Variants in PTPN6 observed in about 807,000 individuals in gnomAD.
PTPN6 encodes tyrosine-protein phosphatase non-receptor type 6.
A neutral mutation model predicts 81.5 loss-of-function variants in PTPN6; 18 were observed. The observed-to-expected ratio is 0.22, with a 90% CI of 0.15 to 0.33. The LOEUF is 0.33. PTPN6 is among the 10% of genes least tolerant of loss of function. The probability of loss-of-function intolerance (pLI) is 1.00; values close to 1 mark genes in which losing one functional copy is unlikely to be tolerated. For missense variants in PTPN6, 500 were observed against 794.2 expected (o/e 0.63, Z 4.45); for synonymous variants, 301 against 310.9 (o/e 0.97, Z 0.33).
chr12:6,955,107 G>A lies in PTPN6; in HGVS notation c.517-44G>A, dbSNP rs376544821. 1,309 of 1,610,148 alleles carry A rather than the reference G, an allele frequency of 8.1e-4. No homozygotes were observed. Among genetic ancestry groups the A allele is most frequent in the Non-Finnish European group, 9.5e-4 (1,121 of 1,176,550 alleles). Reference sequence around the variant, plus strand: ...GAATTCAAGGCTGGGGACCCAGGGAGGGAGACTCAAGTCCTGTGAATGGCC... The same window carrying A: ...GAATTCAAGGCTGGGGACCCAGGGAAGGAGACTCAAGTCCTGTGAATGGCC... On this transcript the variant is annotated intron_variant, in intron 4 of 15. Transcript: ENST00000318974. The surrounding 1 kb of genome is among the most constrained non-coding windows in gnomAD (Gnocchi z 7.2).
Position 6,960,474 on chromosome 12 carries a change from T to A in PTPN6, c.1673+39T>A, listed in dbSNP as rs1457281640. 3.1e-6 allele frequency: 5 copies of A among 1,590,176 alleles called. No homozygotes were observed. The highest frequency in any genetic ancestry group is 4.3e-6 in the Non-Finnish European group (5 of 1,160,284). On this transcript the variant is annotated intron_variant, in intron 14 of 15. Coordinates refer to ENST00000318974, the MANE Select transcript of PTPN6 (RefSeq NM_002831.6). The surrounding 1 kb of genome is among the most constrained non-coding windows in gnomAD (Gnocchi z 6.1). ...ACTGCCACTGCCCGGCATCCACCCC[T>A]TTGTCCTGCCCAGCCCGATCCTCAC... is the stretch of plus-strand genomic sequence containing the variant.
At position 6,955,322 on chromosome 12, in the gene PTPN6, G is replaced by A; in HGVS notation, c.634-50G>A. Reference sequence around the variant, plus strand: ...TTCCCCTGAGCTGTCCCCCAGATGTGAGCTTCTGGGATCTCTGAGTTGCTG... The same window carrying A: ...TTCCCCTGAGCTGTCCCCCAGATGTAAGCTTCTGGGATCTCTGAGTTGCTG... On this transcript the variant is annotated intron_variant, in intron 5 of 15. Transcript: ENST00000318974. The surrounding 1 kb of genome is among the most constrained non-coding windows in gnomAD (Gnocchi z 7.2). 2 of 1,607,356 alleles carry A rather than the reference G, an allele frequency of 1.2e-6. No homozygotes were observed. Among genetic ancestry groups the A allele is most frequent in the South Asian group, 2.2e-5 (2 of 90,900 alleles).
At position 6,957,753 on chromosome 12, in the gene PTPN6, C is replaced by G. The variant is rs782405424; in HGVS notation, c.1174C>G (p.Leu392Val). ...CGEHDTTEYK[L>V]RTLQVSPLDN... The stretch of plus-strand genomic sequence containing the variant: ...GGAGCATGACACAACCGAATACAAA[C>G]TCCGTACCTTACAGGTCTCCCCGCT... Residue 392 changes from leucine to valine, a missense_variant, in exon 10 of 16, where the codon CTC becomes GTC. Leu to Val is a conservative substitution (Grantham distance 32). Around this residue, in one of 6 missense-constraint regions of PTPN6, gnomAD observed 226 missense variants for 364.4 expected, o/e 0.62. Coordinates refer to ENST00000318974, the MANE Select transcript of PTPN6 (RefSeq NM_002831.6). The surrounding 1 kb of genome is among the most constrained non-coding windows in gnomAD (Gnocchi z 6.5). The G allele has an allele frequency of 2.4e-5, 38 of 1,612,818 alleles. No individual in the cohort carries two copies. In the Admixed American group the frequency reaches 6.3e-4, roughly 27 times the overall value.
upstream of PTPN6, among the ~76,000 whole-genome samples, chr12:6,950,023 G>T (rs1321054896): frequency 1.6e-5 from 1 of 62,586 alleles, no homozygotes; most frequent in African/African-American, 6.7e-5. Context: ...CTCGTGATCC[G>T]CCAGCCTTGG....
At chr12:6,949,763 T>G (rs1945893023), upstream of PTPN6, among the ~76,000 whole-genome samples, 1 of 151,734 alleles carries the variant, frequency 6.6e-6, no homozygotes, top group African/African-American at 2.4e-5. Context: ...TTGTTTGCGC[T>G]TCCAGACTGC....
rs375220948 is a variant in PTPN6 at position 6,954,961 on chromosome 12, G to C, written c.483G>C (p.Pro161=). ...AGCCCAAGGCTGGCCCAGGCTCCCC[G>C]CTCAGGGTCACCCACATCAAGGTCA... ...SDQPKAGPGS[P]LRVTHIKVMC... is the part of the protein sequence containing the mutation. The change falls in exon 4 of 16, where the codon CCG becomes CCC. Residue 161 remains proline (P), a synonymous_variant. Transcript: ENST00000318974. The surrounding 1 kb of genome is among the most constrained non-coding windows in gnomAD (Gnocchi z 5.4). 1.4e-5 allele frequency: 23 copies of C among 1,613,966 alleles called. No individual in the cohort carries two copies. The highest frequency in any genetic ancestry group is 1.9e-5 in the Non-Finnish European group (23 of 1,180,020).
At chr12:6,947,122 T>A (rs1945836657), upstream of PTPN6, among the ~76,000 whole-genome samples, 1 of 152,160 alleles carries the variant, frequency 6.6e-6, no homozygotes, top group African/African-American at 2.4e-5. Context: ...TCTCCGCACT[T>A]CCCAACATCA....
Position 6,959,541 on chromosome 12 carries a change from G to T in PTPN6, c.1362-386G>T. The T allele has an allele frequency of 2.6e-6, 1 of 390,022 alleles. No individual in the cohort carries two copies. The highest frequency in any genetic ancestry group is 4.8e-6 in the Non-Finnish European group (1 of 209,488). 24.2% of individuals were successfully genotyped at this position (390,022 alleles called of 1,614,324 possible). A position where few individuals can be genotyped will look rare whatever the true frequency, so the allele number is the denominator to read the frequency against. ...GGGAAGTGAAGCCATGCTGAGAGAC[G>T]CTCCATAACTCCTTCAGGGAGAGGC... On this transcript the variant is annotated intron_variant, in intron 11 of 15. Coordinates refer to ENST00000318974, the MANE Select transcript of PTPN6 (RefSeq NM_002831.6). This position sits in a 1 kb window ranked among gnomAD's most constrained non-coding sequence, Gnocchi z 6.6.
In PTPN6 at chr12:6,959,180, C is replaced by T. The variant is rs763580012; in HGVS notation, c.1362-747C>T. The T allele has an allele frequency of 1.8e-3, 278 of 153,802 alleles. 2 individuals carry two copies. The highest frequency in any genetic ancestry group is 3.4e-3 in the Non-Finnish European group (234 of 69,054). 9.5% of individuals were successfully genotyped at this position (153,802 alleles called of 1,614,324 possible). On this transcript the variant is annotated intron_variant, in intron 11 of 15. Coordinates refer to ENST00000318974, the MANE Select transcript of PTPN6 (RefSeq NM_002831.6). The surrounding 1 kb of genome is among the most constrained non-coding windows in gnomAD (Gnocchi z 6.6). Reference sequence around the variant, plus strand: ...TCCTGTGCTCTCTCAGGGACAGGCCCATCCCCGAGAGCTACCCTCCTGCTC... The same window carrying T: ...TCCTGTGCTCTCTCAGGGACAGGCCTATCCCCGAGAGCTACCCTCCTGCTC...
chr12:6,946,934 T>A (rs1323116953), upstream of PTPN6, among the ~76,000 whole-genome samples: 1 of 152,106 alleles, frequency 6.6e-6, no homozygotes, highest in Non-Finnish European at 1.5e-5. Flanking sequence ...CTCTGCCCCC[T>A]CTTTAACATT....
At position 6,954,458 on chromosome 12, in the gene PTPN6, G is replaced by A. The variant is rs1355372576; in HGVS notation, c.327-347G>A. Among the ~76,000 whole-genome samples the A allele has an allele frequency of 2.0e-5, 3 of 152,192 alleles. No individual in the cohort carries two copies. The highest frequency in any genetic ancestry group is 2.0e-4 in the Admixed American group (3 of 15,284). On this transcript the variant is annotated intron_variant, in intron 3 of 15. Transcript: ENST00000318974. This position sits in a 1 kb window ranked among gnomAD's most constrained non-coding sequence, Gnocchi z 5.4. The stretch of plus-strand genomic sequence containing the variant: ...GCCCGGTTAGAACTCTGGAGGCTAG[G>A]ATGGCTTGAACCTGGGAGGTCGAGG...
At position 6,954,391 on chromosome 12, in the gene PTPN6, T is replaced by C. The variant is rs1431925567; in HGVS notation, c.327-414T>C. Among the ~76,000 whole-genome samples the C allele has an allele frequency of 6.6e-6, 1 of 152,238 alleles. No individual in the cohort carries two copies. The highest frequency in any genetic ancestry group is 1.5e-5 in the Non-Finnish European group (1 of 68,044). ...TCTCTCCTCCAAATATTTTGAATAT[T>C]GCCAGCCTTTCTGCCTTTCAGAGGT... On this transcript the variant is annotated intron_variant, in intron 3 of 15. Transcript: ENST00000318974. The surrounding 1 kb of genome is among the most constrained non-coding windows in gnomAD (Gnocchi z 5.4).
rs782432099 is a variant in PTPN6 at position 6,957,272 on chromosome 12, C to T, written c.1075-382C>T. 1.9e-3 allele frequency among the ~76,000 whole-genome samples: 293 copies of T among 152,334 alleles called. 1 individual carries two copies. Among genetic ancestry groups the T allele is most frequent in the African/African-American group, 6.3e-3 (260 of 41,572 alleles). Reference sequence around the variant, plus strand: ...CCTCCAGGACCTAGAGGGAGAATTACGTCTTTCCCAGCCACGCTCCTCAGC... The same window carrying T: ...CCTCCAGGACCTAGAGGGAGAATTATGTCTTTCCCAGCCACGCTCCTCAGC... On this transcript the variant is annotated intron_variant, in intron 9 of 15. Coordinates refer to ENST00000318974, the MANE Select transcript of PTPN6 (RefSeq NM_002831.6). This position sits in a 1 kb window ranked among gnomAD's most constrained non-coding sequence, Gnocchi z 6.5.
chr12:6,948,485 G>A (rs1591680777), upstream of PTPN6, among the ~76,000 whole-genome samples: 2 of 119,446 alleles, frequency 1.7e-5, no homozygotes, highest in Non-Finnish European at 1.8e-5. Context: ...AAGGAAGAAA[G>A]AAAAAGAGAA....
rs1555149614 is a variant in PTPN6, at chr12:6,960,369, A to G, written c.1607A>G (p.Tyr536Cys). 6.2e-7 allele frequency: 1 copy of G among 1,613,568 alleles called. No homozygotes were observed. Among genetic ancestry groups the G allele is most frequent in the South Asian group, 1.1e-5 (1 of 91,042 alleles). Residue 536 changes from tyrosine to cysteine, a missense_variant, in exon 14 of 16, where the codon TAC becomes TGC. Physicochemically the swap from Tyr to Cys is radical, Grantham distance 194. Around this residue, in one of 6 missense-constraint regions of PTPN6, gnomAD observed 226 missense variants for 364.4 expected, o/e 0.62. Transcript: ENST00000318974. This position sits in a 1 kb window ranked among gnomAD's most constrained non-coding sequence, Gnocchi z 6.1. ...LQSQKGQESE[Y>C]GNITYPPAMK... is the part of the protein sequence containing the mutation. Reference sequence around the variant, plus strand: ...TCGCAGAAGGGCCAGGAGTCGGAGTACGGGAACATCACCTATCCCCCAGCC... The same window carrying G: ...TCGCAGAAGGGCCAGGAGTCGGAGTGCGGGAACATCACCTATCCCCCAGCC...
In PTPN6 at chr12:6,952,128, A is replaced by G. The variant is rs1342222997; in HGVS notation, c.277A>G (p.Ile93Val). The change falls in exon 3 of 16, where the codon ATC becomes GTC. Residue 93 changes from isoleucine to valine, a missense_variant. Physicochemically the swap from Ile to Val is conservative, Grantham distance 29 (BLOSUM62 3). This residue lies in a region of PTPN6 where 98 missense variants were observed against 199.2 expected (regional missense o/e 0.49). Coordinates refer to ENST00000318974, the MANE Select transcript of PTPN6 (RefSeq NM_002831.6). The surrounding 1 kb of genome is among the most constrained non-coding windows in gnomAD (Gnocchi z 8.1). ...QGVLQDRDGT[I>V]IHLKYPLNCS... ...TGTCCTGCAGGACCGCGACGGCACC[A>G]TCATCCACCTCAAGTACCCGCTGAA... The G allele has an allele frequency of 1.2e-6, 2 of 1,614,020 alleles. No homozygotes were observed. The highest frequency in any genetic ancestry group is 1.7e-6 in the Non-Finnish European group (2 of 1,180,026).
rs782053092 is a variant in PTPN6 at position 6,956,119 on chromosome 12, G to A, written c.845-23G>A. On this transcript the variant is annotated intron_variant, in intron 7 of 15. Coordinates refer to ENST00000318974, the MANE Select transcript of PTPN6 (RefSeq NM_002831.6). This position sits in a 1 kb window ranked among gnomAD's most constrained non-coding sequence, Gnocchi z 4.1. ...GTCCCTGGCTAACCCAGACCATCTC[G>A]CCTCCTCTCCGCCCACTCCCAGTTG... The A allele has an allele frequency of 6.2e-7, 1 of 1,613,474 alleles. No individual in the cohort carries two copies. Among genetic ancestry groups the A allele is most frequent in the Non-Finnish European group, 8.5e-7 (1 of 1,179,438 alleles).
Position 6,954,066 on chromosome 12 carries a change from C to T in PTPN6, c.327-739C>T, listed in dbSNP as rs782586130. 7.9e-5 allele frequency among the ~76,000 whole-genome samples: 12 copies of T among 152,266 alleles called. No individual in the cohort carries two copies. The South Asian group carries it at 1.7e-3, about 21-fold the overall frequency. On this transcript the variant is annotated intron_variant, in intron 3 of 15. Coordinates refer to ENST00000318974, the MANE Select transcript of PTPN6 (RefSeq NM_002831.6). The surrounding 1 kb of genome is among the most constrained non-coding windows in gnomAD (Gnocchi z 5.4). ...TTCCTCCTGGGAAAGGGGTGTGCTT[C>T]GGGGAAAGGGCTTAGTTCTGCTTTC... is the stretch of plus-strand genomic sequence containing the variant.
At chr12:6,948,568 A>G (rs1052114064), upstream of PTPN6, among the ~76,000 whole-genome samples, 2 of 151,926 alleles carry the variant, frequency 1.3e-5, no homozygotes, top group African/African-American at 4.8e-5. Context: ...GAAAGGAAAG[A>G]AAAAGAAAAA....
Sources: allele counts gnomAD v4.1 joint callset (sites outside exome capture counted in the v4.1 genomes callset), GRCh38; gene constraint gnomAD v4.1.1; regional missense constraint gnomAD v4.1.1; non-coding constraint Gnocchi (gnomAD v3.1); transcripts MANE v1.5; gene names NCBI Gene and HGNC (gene_info 2026-07-23, HGNC 2026-07-21).